KIRREL3: variants seen among roughly 807,000 people sequenced by gnomAD.
The protein encoded by KIRREL3 is kin of IRRE-like protein 3.
A neutral mutation model predicts 89.7 loss-of-function variants in KIRREL3; 36 were observed. The ratio of observed to expected loss-of-function variants is 0.40; its 90% CI spans 0.31 to 0.53. The LOEUF (loss-of-function observed/expected upper bound fraction) is 0.53. Ranked by LOEUF, KIRREL3 falls within the 20% of genes least tolerant of loss-of-function variation. KIRREL3 has a pLI of 0.49. For missense variants in KIRREL3, 864 were observed against 1,056.6 expected, an observed-to-expected ratio of 0.82 and a Z score of 2.53; for synonymous variants, 445 against 441.4, an observed-to-expected ratio of 1.01 and a Z score of -0.10.
chr11:126,995,542 C>T lies in KIRREL3; in HGVS notation c.55+4913G>A, dbSNP rs1950159154. On this transcript the variant is annotated intron_variant, in intron 1 of 16. Coordinates refer to ENST00000525144, the MANE Select transcript of KIRREL3 (RefSeq NM_032531.4). This position sits in a 1 kb window ranked among gnomAD's most constrained non-coding sequence, Gnocchi z 6.5. ...GCCTATGCCCCTCTAGCCCCCTTAG[C>T]ATCCCCCATCTATATCAAGACCATA... 5.7e-6 allele frequency: 2 copies of T among 349,360 alleles called. No individual in the cohort carries two copies. Among genetic ancestry groups the T allele is most frequent in the African/African-American group, 2.1e-5 (1 of 46,708 alleles). 21.6% of individuals were successfully genotyped at this position (349,360 alleles called of 1,614,324 possible).
chr11:126,945,400 C>T (rs1948592668), intron 1 of KIRREL3, among the ~76,000 whole-genome samples: 1 of 152,194 alleles, frequency 6.6e-6, no homozygotes, highest in Non-Finnish European at 1.5e-5. Flanking sequence ...TCCTCACCCT[C>T]CTTCCAGCAG....
Position 126,995,017 on chromosome 11 carries a change from G to A in KIRREL3, c.55+5438C>T. On this transcript the variant is annotated intron_variant, in intron 1 of 16. Coordinates refer to ENST00000525144, the MANE Select transcript of KIRREL3 (RefSeq NM_032531.4). This position sits in a 1 kb window ranked among gnomAD's most constrained non-coding sequence, Gnocchi z 6.5. ...GTATGGAACAGTACTGTGTCTCGGTGCAGTCGATTCTCACATCATTCCTCT... is the reference window on the plus strand; with the variant it reads ...GTATGGAACAGTACTGTGTCTCGGTACAGTCGATTCTCACATCATTCCTCT... 2.7e-6 allele frequency: 1 copy of A among 365,064 alleles called. No homozygotes were observed. Among genetic ancestry groups the A allele is most frequent in the Non-Finnish European group, 5.4e-6 (1 of 185,088 alleles). The allele number at this position is 365,064 out of a possible 1,614,324, so 22.6% of individuals were successfully genotyped here.
rs1353074175 is a variant in KIRREL3, at chr11:126,904,079, T to C, written c.55+96376A>G. 6.6e-6 allele frequency among the ~76,000 whole-genome samples: 1 copy of C among 152,186 alleles called. No individual in the cohort carries two copies. The highest frequency in any genetic ancestry group is 1.5e-5 in the Non-Finnish European group (1 of 68,034). On this transcript the variant is annotated intron_variant, in intron 1 of 16. Transcript: ENST00000525144. The surrounding 1 kb of genome is among the most constrained non-coding windows in gnomAD (Gnocchi z 4.4). The stretch of plus-strand genomic sequence containing the variant: ...GGGAGGAGGCCAGATTACAAGACCC[T>C]GAAGGTCCTTTCCAACTCTAAATTG...
In KIRREL3 at chr11:126,473,349, A is replaced by T; in HGVS notation, c.551T>A (p.Leu184Ter). The T allele has an allele frequency of 6.8e-7, 1 of 1,461,164 alleles. No homozygotes were observed. Among genetic ancestry groups the T allele is most frequent in the Non-Finnish European group, 9.1e-7 (1 of 1,103,234 alleles). The allele number at this position is 1,461,164 out of a possible 1,614,324, so 90.5% of individuals were successfully genotyped here. ...NAKPAASIIW[L>*]RKGEVINGAT... ...CCCATTGATGACCTCTCCCTTTCGC[A>T]ACCAGATGATGGAGGCTGCAGGCTT... The change falls in exon 5 of 17, where the codon TTG (leucine) becomes TAG (stop). Residue 184 changes from leucine (L) to a stop codon, truncating the protein, a stop_gained. Transcript: ENST00000525144. LOFTEE classifies it high-confidence loss of function.
intron 2 of KIRREL3, among the ~76,000 whole-genome samples, chr11:126,543,209 C>G (rs1310978756): frequency 6.6e-6 from 1 of 152,164 alleles, no homozygotes; most frequent in African/African-American, 2.4e-5. Context: ...CCATTACTGC[C>G]CTAGTCTCTC....
intron 1 of KIRREL3, among the ~76,000 whole-genome samples, chr11:126,894,155 C>T (rs1946044770): frequency 1.3e-5 from 2 of 152,212 alleles, no homozygotes; most frequent in Non-Finnish European, 2.9e-5. Flanking sequence ...GGGGCTCAGA[C>T]TTCCTGCCTT....
Position 126,441,805 on chromosome 11 carries a change from G to A in KIRREL3, c.1253-1256C>T, listed in dbSNP as rs1320721809. Among the ~76,000 whole-genome samples, 3 of 152,322 alleles carry A rather than the reference G, an allele frequency of 2.0e-5. No homozygotes were observed. The highest frequency in any genetic ancestry group is 2.9e-5 in the Non-Finnish European group (2 of 68,026). The stretch of plus-strand genomic sequence containing the variant: ...AGAAGGCAAAAGGGCTCGGGGCAGC[G>A]TGAGGTGGGCGTGGGGGACCCTCCA... On this transcript the variant is annotated intron_variant, in intron 10 of 16. Transcript: ENST00000525144. This position sits in a 1 kb window ranked among gnomAD's most constrained non-coding sequence, Gnocchi z 5.0.
intron 1 of KIRREL3, among the ~76,000 whole-genome samples, chr11:126,893,334 A>C (rs1267888786): frequency 2.0e-5 from 3 of 152,258 alleles, no homozygotes; most frequent in Non-Finnish European, 4.4e-5. Context: ...TAGGTTTTAC[A>C]ATGTAATATG....
In KIRREL3 at chr11:126,610,949, A is replaced by C. The variant is rs1041234133; in HGVS notation, c.56-48037T>G. ...GGGTTTGAAGCTGGAACTTTTCAAC[A>C]TACATCTCCAAGCTTCAGGAGGAAG... is the stretch of plus-strand genomic sequence containing the variant. On this transcript the variant is annotated intron_variant, in intron 1 of 16. Transcript: ENST00000525144. This position sits in a 1 kb window ranked among gnomAD's most constrained non-coding sequence, Gnocchi z 4.6. The C allele has an allele frequency of 2.0e-5, 3 of 152,198 alleles. No individual in the cohort carries two copies. Among genetic ancestry groups the C allele is most frequent in the Non-Finnish European group, 4.4e-5 (3 of 68,046 alleles). The allele number at this position is 152,198 out of a possible 1,614,324, so 9.4% of individuals were successfully genotyped here.
chr11:126,777,018 G>A (rs1222441841), intron 1 of KIRREL3, among the ~76,000 whole-genome samples: 1 of 152,202 alleles, frequency 6.6e-6, no homozygotes, highest in South Asian at 2.1e-4. Context: ...CAGATGTCAG[G>A]AGAGAAACTC....
intron 1 of KIRREL3, among the ~76,000 whole-genome samples, chr11:126,726,470 C>T (rs61897903): frequency 0.075 from 11,478 of 152,124 alleles, 665 homozygotes; most frequent in African/African-American, 0.16. Context: ...TGGGTTCAAG[C>T]GATTCTCCTG....
intron 1 of KIRREL3, among the ~76,000 whole-genome samples, chr11:126,777,542 G>A (rs980070460): frequency 6.6e-6 from 1 of 152,048 alleles, no homozygotes; most frequent in African/African-American, 2.4e-5. Flanking sequence ...CCCAGCACAG[G>A]GCTCTTTCCA....
At position 126,981,909 on chromosome 11, in the gene KIRREL3, T is replaced by A. The variant is rs1447834512; in HGVS notation, c.55+18546A>T. On this transcript the variant is annotated intron_variant, in intron 1 of 16. Coordinates refer to ENST00000525144, the MANE Select transcript of KIRREL3 (RefSeq NM_032531.4). This position sits in a 1 kb window ranked among gnomAD's most constrained non-coding sequence, Gnocchi z 4.2. The stretch of plus-strand genomic sequence containing the variant: ...CAGCCTTTAAACACCTCATTAATAT[T>A]CAAATCTATTCAAGTCATTTCAATT... Among the ~76,000 whole-genome samples the A allele has an allele frequency of 6.6e-6, 1 of 152,218 alleles. No homozygotes were observed. Among genetic ancestry groups the A allele is most frequent in the East Asian group, 1.9e-4 (1 of 5,200 alleles).
intron 1 of KIRREL3, among the ~76,000 whole-genome samples, chr11:126,806,795 A>T (rs1489568003): frequency 6.6e-6 from 1 of 151,808 alleles, no homozygotes; most frequent in African/African-American, 2.4e-5. Context: ...TTTAAGCCCC[A>T]CATGCATTAG....
chr11:126,794,105 A>T (rs1368944584), intron 1 of KIRREL3, among the ~76,000 whole-genome samples: 1 of 152,236 alleles, frequency 6.6e-6, no homozygotes, highest in Non-Finnish European at 1.5e-5. Context: ...TTAAAAATAC[A>T]TGTGATTCTA....
At chr11:126,751,895 G>A (rs1015748264) in intron 1 of KIRREL3, among the ~76,000 whole-genome samples, 2 of 152,132 alleles carry the variant, frequency 1.3e-5, no homozygotes, top group Admixed American at 6.6e-5. Flanking sequence ...TAGAGATGGG[G>A]TTTTGCTATG....
chr11:126,492,872 G>C lies in KIRREL3; in HGVS notation c.434-19406C>G, dbSNP rs1957558624. On this transcript the variant is annotated intron_variant, in intron 4 of 16. Transcript: ENST00000525144. The surrounding 1 kb of genome is among the most constrained non-coding windows in gnomAD (Gnocchi z 4.8). The stretch of plus-strand genomic sequence containing the variant: ...TAGAGACCTCCAGGCAGATGGCAAG[G>C]TTGGTCTCCAGAAAAGACAGACCAG... Among the ~76,000 whole-genome samples, 1 of 152,128 alleles carries C rather than the reference G, an allele frequency of 6.6e-6. No individual in the cohort carries two copies. Among genetic ancestry groups the C allele is most frequent in the African/African-American group, 2.4e-5 (1 of 41,436 alleles).
At chr11:126,693,238 G>C (rs1946948759) in intron 1 of KIRREL3, among the ~76,000 whole-genome samples, 1 of 152,214 alleles carries the variant, frequency 6.6e-6, no homozygotes, top group African/African-American at 2.4e-5. Context: ...GGGCAACACA[G>C]CGAAACCCTG....
At position 126,708,070 on chromosome 11, in the gene KIRREL3, G is replaced by A. The variant is rs1947608189; in HGVS notation, c.56-145158C>T. On this transcript the variant is annotated intron_variant, in intron 1 of 16. Coordinates refer to ENST00000525144, the MANE Select transcript of KIRREL3 (RefSeq NM_032531.4). This position sits in a 1 kb window ranked among gnomAD's most constrained non-coding sequence, Gnocchi z 5.7. The stretch of plus-strand genomic sequence containing the variant: ...CCTGAAGCAGGTGATGATCTCCATA[G>A]GTCCCAGGGTATCCGTGCCCCGTTT... 6.6e-6 allele frequency among the ~76,000 whole-genome samples: 1 copy of A among 152,134 alleles called. No homozygotes were observed. The highest frequency in any genetic ancestry group is 6.5e-5 in the Admixed American group (1 of 15,280).
Sources: gnomAD v4.1 joint callset for allele counts (sites outside exome capture counted in the v4.1 genomes callset) on GRCh38, gnomAD v4.1.1 for gene constraint, Gnocchi (gnomAD v3.1) non-coding constraint, MANE v1.5 for transcripts, NCBI Gene and HGNC (gene_info 2026-07-23, HGNC 2026-07-21) for gene names.